Variants in BARD1 observed in about 807,000 individuals in gnomAD.
The protein encoded by BARD1 is BRCA1 associated RING domain 1.
BARD1 carries 73 observed loss-of-function variants against 77.0 expected under a neutral mutation model. The ratio of observed to expected loss-of-function variants is 0.95; its 90% CI spans 0.79 to 1.15. The LOEUF is 1.15. BARD1 is among the 50% of genes most tolerant of loss of function. BARD1 has a pLI of 0.00. For missense variants in BARD1, 993 were observed against 938.8 expected (o/e 1.06, Z -0.75); for synonymous variants, 384 against 338.0 (o/e 1.14, Z -1.49).
intron 6 of BARD1, among the ~76,000 whole-genome samples, chr2:214,762,086 GA>G (rs1693991410): frequency 6.6e-6 from 1 of 152,072 alleles, no homozygotes; most frequent in Non-Finnish European, 1.5e-5. Flanking sequence ...CCAAAAATCT[GA>G]AATTTGCAAC....
At chr2:214,807,743 A>G (rs1696341961) in intron 1 of BARD1, among the ~76,000 whole-genome samples, 1 of 90,616 alleles carries the variant, frequency 1.1e-5, no homozygotes, top group African/African-American at 4.1e-5. Flanking sequence ...AAAATGAGAG[A>G]TGAATAACTT....
Position 214,735,406 on chromosome 2 carries a change from TA to T in BARD1, c.1904-4899del, listed in dbSNP as rs1223971809. 2.0e-5 allele frequency among the ~76,000 whole-genome samples: 3 copies of T among 152,328 alleles called. No homozygotes were observed. In the East Asian group the frequency reaches 5.8e-4, roughly 29 times the overall value. ...GCTGGGGACACACTTGTTTGTCAAC[TA>T]AAGTTCTTCACTACTCTGTACATGT... On this transcript the variant is annotated intron_variant, in intron 9 of 10. Coordinates refer to ENST00000260947, the MANE Select transcript of BARD1 (RefSeq NM_000465.4).
At chr2:214,796,001 C>T (rs1456992702) in intron 2 of BARD1, among the ~76,000 whole-genome samples, 5 of 152,146 alleles carry the variant, frequency 3.3e-5, no homozygotes, top group African/African-American at 4.8e-5. Flanking sequence ...CCCAGACAAC[C>T]TTAGCCCTTG....
At chr2:214,796,763 A>G in intron 2 of BARD1, 1 of 339,480 alleles carries the variant, frequency 2.9e-6, no homozygotes, top group South Asian at 4.0e-5. Flanking sequence ...ATTTAACTGG[A>G]AAATTTAAAA....
chr2:214,751,572 T>C (rs187678335), intron 7 of BARD1, among the ~76,000 whole-genome samples: 27 of 152,258 alleles, frequency 1.8e-4, no homozygotes, highest in Admixed American at 9.8e-4. Context: ...GTAAAAGTTT[T>C]TATATCTGAA....
chr2:214,745,008 A>T, intron 9 of BARD1, 59 bp downstream of exon 9: 2 of 1,400,496 alleles, frequency 1.4e-6, no homozygotes, highest in Non-Finnish European at 2.0e-6. Flanking sequence ...GGCATTAATA[A>T]CCATGAAAAA....
chr2:214,729,107 C>T, intron 10 of BARD1, 99 bp from the exon 11 acceptor site: 1 of 1,331,278 alleles, frequency 7.5e-7, no homozygotes, highest in Non-Finnish European at 1.0e-6. Flanking sequence ...GTTGAATATC[C>T]CTTACCTGAA....
intron 7 of BARD1, among the ~76,000 whole-genome samples, chr2:214,747,417 T>C (rs1264207993): frequency 3.5e-5 from 5 of 143,404 alleles, no homozygotes; most frequent in East Asian, 4.2e-4. Flanking sequence ...GTATGTTTAC[T>C]GCGGCACTAT....
At chr2:214,761,512 T>C (rs775579440) in intron 6 of BARD1, among the ~76,000 whole-genome samples, 1 of 152,126 alleles carries the variant, frequency 6.6e-6, no homozygotes, top group Non-Finnish European at 1.5e-5. Flanking sequence ...TTATTTAATA[T>C]TTTTAAATGT....
chr2:214,767,647 G>A lies in BARD1; in HGVS notation c.1403C>T (p.Ala468Val), dbSNP rs886055599. 3 of 1,613,924 alleles carry A rather than the reference G, an allele frequency of 1.9e-6. No individual in the cohort carries two copies. The highest frequency in any genetic ancestry group is 1.3e-5 in the African/African-American group (1 of 75,042). Residue 468 changes from alanine to valine, a missense_variant, in exon 6 of 11, where the codon GCT becomes GTT. Ala to Val is a moderately conservative substitution (Grantham distance 64). Coordinates refer to ENST00000260947, the MANE Select transcript of BARD1 (RefSeq NM_000465.4). ...TACCTTCAGGTGCCCATGATTGCAA[G>A]CTTCATGCTAATTAAATTTTTTGAA... is the stretch of plus-strand genomic sequence containing the variant. ...DHAGWTPLHEACNHGHLKVVE... is the reference protein window; with the variant it reads ...DHAGWTPLHEVCNHGHLKVVE...
chr2:214,737,980 C>T (rs1467246198), intron 9 of BARD1, among the ~76,000 whole-genome samples: 2 of 152,076 alleles, frequency 1.3e-5, no homozygotes, highest in Non-Finnish European at 2.9e-5. Flanking sequence ...TATAAGACCA[C>T]ATTTTAGTTA....
At position 214,781,209 on chromosome 2, in the gene BARD1, G is replaced by C. The variant is rs142086060; in HGVS notation, c.665C>G (p.Ala222Gly). ...GTCAAATTCACCATCTTCTTTTTCTGCCTCTAAATTCCATTTTTGGTTGAT... is the reference window on the plus strand; with the variant it reads ...GTCAAATTCACCATCTTCTTTTTCTCCCTCTAAATTCCATTTTTGGTTGAT... ...AEINQKWNLE[A>G]EKEDGEFDSK... Residue 222 changes from alanine to glycine, a missense_variant, in exon 4 of 11, where the codon GCA becomes GGA. Physicochemically the swap from Ala to Gly is moderately conservative, Grantham distance 60. Coordinates refer to ENST00000260947, the MANE Select transcript of BARD1 (RefSeq NM_000465.4). 4 of 1,591,680 alleles carry C rather than the reference G, an allele frequency of 2.5e-6. No homozygotes were observed. In the South Asian group the frequency reaches 4.7e-5, roughly 19 times the overall value.
chr2:214,781,588 CAGTTCCCCT>C, intron 3 of BARD1, 79 bp from the exon 4 acceptor site: 3 of 1,137,646 alleles, frequency 2.6e-6, no homozygotes, highest in Non-Finnish European at 2.6e-6. Context: ...ATTTTGTTTA[CAGTTCCCCT>C]AAAGTGTATC....
At chr2:214,783,463 C>G (rs769317983) in intron 3 of BARD1, among the ~76,000 whole-genome samples, 12 of 151,978 alleles carry the variant, frequency 7.9e-5, no homozygotes, top group Non-Finnish European at 1.5e-4. Flanking sequence ...AACACAGGAA[C>G]AGAAAACCAA....
At chr2:214,729,975 TAA>T (rs3046935) in intron 10 of BARD1, among the ~76,000 whole-genome samples, 2 of 152,136 alleles carry the variant, frequency 1.3e-5, no homozygotes, top group African/African-American at 4.8e-5. Context: ...TCGTTGGAAA[TAA>T]AAAAAGTTTC....
chr2:214,767,247 G>T (rs944661522), intron 6 of BARD1, among the ~76,000 whole-genome samples: 11 of 151,840 alleles, frequency 7.2e-5, no homozygotes, highest in Admixed American at 2.0e-4. Flanking sequence ...AATTATTTTT[G>T]ATCTGCAGTT....
chr2:214,756,538 T>G (rs1008860648), intron 6 of BARD1, among the ~76,000 whole-genome samples: 5 of 152,224 alleles, frequency 3.3e-5, no homozygotes, highest in Non-Finnish European at 7.3e-5. Context: ...TGCATGTTTA[T>G]AGCAGCACAA....
chr2:214,793,950 T>C (rs899424789), intron 2 of BARD1, among the ~76,000 whole-genome samples: 1 of 152,068 alleles, frequency 6.6e-6, no homozygotes, highest in Non-Finnish European at 1.5e-5. Flanking sequence ...GTGATGAACC[T>C]AAAGAAAACA....
At chr2:214,780,535 T>C (rs764364930) in intron 4 of BARD1, 25 bp downstream of exon 4, 17 of 1,600,502 alleles carry the variant, frequency 1.1e-5, no homozygotes, top group African/African-American at 2.7e-5. Flanking sequence ...CATTCTGAGA[T>C]GGTATTTCAG....
Sources: gnomAD v4.1 joint callset for allele counts (sites outside exome capture counted in the v4.1 genomes callset) on GRCh38, gnomAD v4.1.1 for gene constraint, MANE v1.5 for transcripts, NCBI Gene and HGNC (gene_info 2026-07-23, HGNC 2026-07-21) for gene names.